The following BACH2 variants were observed in gnomAD, a reference collection of about 807,000 sequenced individuals.
BACH2 encodes BACH transcriptional regulator 2.
In BACH2, 5 loss-of-function variants were observed where a neutral mutation model predicts 61.8. That is an observed-to-expected ratio of 0.08 (90% CI 0.04 to 0.17). The LOEUF (loss-of-function observed/expected upper bound fraction) is 0.17. Ranked by LOEUF, BACH2 falls within the 10% of genes least tolerant of loss-of-function variation. The probability of loss-of-function intolerance (pLI) is 1.00; values close to 1 mark genes in which losing one functional copy is unlikely to be tolerated. For missense variants in BACH2, 824 were observed against 1,091.1 expected (o/e 0.76, Z 3.45); for synonymous variants, 446 against 440.1 (o/e 1.01, Z -0.17).
intron 1 of BACH2, among the ~76,000 whole-genome samples, chr6:90,289,012 C>T (rs997038668): frequency 5.9e-5 from 9 of 152,102 alleles, no homozygotes; most frequent in East Asian, 1.9e-4. Flanking sequence ...TTTTACTTTC[C>T]GATCCCTAAA....
chr6:90,080,586 A>C (rs1005538173), intron 5 of BACH2, among the ~76,000 whole-genome samples: 1 of 152,170 alleles, frequency 6.6e-6, no homozygotes, highest in African/African-American at 2.4e-5. Flanking sequence ...TTTTAATAAA[A>C]AGTTATTACA....
chr6:90,241,925 T>C (rs1770468412), intron 3 of BACH2, among the ~76,000 whole-genome samples: 3 of 151,686 alleles, frequency 2.0e-5, no homozygotes, highest in African/African-American at 7.3e-5. Flanking sequence ...CTACAATCTA[T>C]CCTGATTTTC....
chr6:90,056,813 G>C (rs1780380438), intron 5 of BACH2, among the ~76,000 whole-genome samples: 1 of 152,202 alleles, frequency 6.6e-6, no homozygotes, highest in African/African-American at 2.4e-5. Flanking sequence ...TCAGGATTAA[G>C]AAACTCACTC....
intron 7 of BACH2, among the ~76,000 whole-genome samples, chr6:89,944,948 CTATAAACCATAATGA>C (rs1279705690): frequency 6.6e-6 from 1 of 152,008 alleles, no homozygotes; most frequent in Admixed American, 6.6e-5. Context: ...AAAAACAAAC[CTATAAACCATAATGA>C]GATAAACCAT....
At chr6:90,258,883 G>A (rs1771068579) in intron 2 of BACH2, among the ~76,000 whole-genome samples, 2 of 151,876 alleles carry the variant, frequency 1.3e-5, no homozygotes, top group Non-Finnish European at 2.9e-5. Context: ...GAAAAAAAAC[G>A]CAACTGATTT....
chr6:90,253,843 T>TG, intron 2 of BACH2, among the ~76,000 whole-genome samples: 1 of 152,210 alleles, frequency 6.6e-6, no homozygotes, highest in Non-Finnish European at 1.5e-5. Flanking sequence ...AACTTCTCTC[T>TG]GCTCAAATGC....
At chr6:90,158,615 G>T (rs1231502059) in intron 4 of BACH2, among the ~76,000 whole-genome samples, 1 of 151,912 alleles carries the variant, frequency 6.6e-6, no homozygotes, top group African/African-American at 2.4e-5. Flanking sequence ...ATGATGTGTA[G>T]TAAGTAACGA....
intron 5 of BACH2, among the ~76,000 whole-genome samples, chr6:90,085,319 TC>T (rs1052599231): frequency 6.6e-6 from 1 of 152,168 alleles, no homozygotes; most frequent in Admixed American, 6.5e-5. Flanking sequence ...AAGTCTGCAT[TC>T]CCTGGTTCCT....
Position 90,052,760 on chromosome 6 carries a change from GCTC to G in BACH2, c.-13+36198_-13+36200del, listed in dbSNP as rs1780113706. Among the ~76,000 whole-genome samples, 3 of 152,186 alleles carry G rather than the reference GCTC, an allele frequency of 2.0e-5. No homozygotes were observed. In the South Asian group the frequency reaches 6.2e-4, roughly 32 times the overall value. ...TGACTGATATCAACAAAGCTACATA[GCTC>G]CTTTTTGATTGGTATTTGCTCGAAT... On this transcript the variant is annotated intron_variant, in intron 5 of 8. Coordinates refer to ENST00000257749, the MANE Select transcript of BACH2 (RefSeq NM_021813.4).
chr6:89,968,359 C>T (rs1284341617), intron 6 of BACH2, among the ~76,000 whole-genome samples: 2 of 152,200 alleles, frequency 1.3e-5, no homozygotes, highest in Non-Finnish European at 2.9e-5. Context: ...AGAAATTCCT[C>T]AAAGTCAAGG....
intron 7 of BACH2, among the ~76,000 whole-genome samples, chr6:89,947,761 C>T (rs930205586): frequency 3.3e-5 from 5 of 151,636 alleles, no homozygotes; most frequent in Non-Finnish European, 5.9e-5. Flanking sequence ...TTAGTAGAGA[C>T]GGGGTTTCAC....
chr6:89,937,045 T>C (rs769660455), intron 8 of BACH2, among the ~76,000 whole-genome samples: 19 of 152,004 alleles, frequency 1.2e-4, no homozygotes, highest in Non-Finnish European at 2.1e-4. Context: ...ATTTACTTTC[T>C]GTAGTTTATG....
chr6:90,006,611 C>CTTAT (rs370820090), intron 6 of BACH2, among the ~76,000 whole-genome samples: 8 of 152,148 alleles, frequency 5.3e-5, no homozygotes, highest in Admixed American at 1.3e-4. Flanking sequence ...TTATGCAGTC[C>CTTAT]TTATTTATTT....
At chr6:90,048,207 C>T (rs930724848) in intron 5 of BACH2, among the ~76,000 whole-genome samples, 3 of 152,148 alleles carry the variant, frequency 2.0e-5, no homozygotes, top group African/African-American at 2.4e-5. Flanking sequence ...TAGCTCACTG[C>T]AGCCTTGAAT....
chr6:89,992,946 T>C (rs367578715), intron 6 of BACH2, among the ~76,000 whole-genome samples: 3 of 152,218 alleles, frequency 2.0e-5, no homozygotes, highest in East Asian at 3.9e-4. Flanking sequence ...TAAGGTTAAA[T>C]GAGGTCACAA....
intron 5 of BACH2, among the ~76,000 whole-genome samples, chr6:90,077,787 T>C (rs888727728): frequency 6.6e-6 from 1 of 152,196 alleles, no homozygotes. Flanking sequence ...AAAGTTAAGA[T>C]ACAGTCATAA....
At chr6:89,961,045 T>C (rs1378238016) in intron 6 of BACH2, among the ~76,000 whole-genome samples, 1 of 152,228 alleles carries the variant, frequency 6.6e-6, no homozygotes, top group East Asian at 1.9e-4. Context: ...TTTGCCCATC[T>C]CATCTCACCT....
chr6:89,947,741 TTTG>T (rs1321907474), intron 7 of BACH2, among the ~76,000 whole-genome samples: 1 of 151,856 alleles, frequency 6.6e-6, no homozygotes, highest in African/African-American at 2.4e-5. Context: ...AATTTTTTTT[TTTG>T]TATTTTTTAG....
chr6:89,978,083 C>T (rs1775751325), intron 6 of BACH2, among the ~76,000 whole-genome samples: 1 of 151,886 alleles, frequency 6.6e-6, no homozygotes, highest in Admixed American at 6.6e-5. Context: ...AAAAATAATA[C>T]AAAAAGGGGG....
Sources: allele counts gnomAD v4.1 joint callset (sites outside exome capture counted in the v4.1 genomes callset), GRCh38; gene constraint gnomAD v4.1.1; transcripts MANE v1.5; gene names NCBI Gene and HGNC (gene_info 2026-07-23, HGNC 2026-07-21).